Variants in RYR2 observed in about 807,000 individuals in gnomAD.
RYR2 encodes ryanodine receptor 2, also known as cardiac muscle ryanodine receptor-calcium release channel.
In RYR2, 227 loss-of-function variants were observed where a neutral mutation model predicts 601.1. That is an observed-to-expected ratio of 0.38 (90% CI 0.34 to 0.42). The LOEUF (loss-of-function observed/expected upper bound fraction) is 0.42, where lower values mean the gene tolerates loss of function less well. Among genes scored for constraint, RYR2 ranks in the 10% least tolerant of loss-of-function variants. The pLI, the probability that RYR2 is intolerant of heterozygous loss-of-function variation, is 1.00. For synonymous variants in RYR2, 2,223 were observed against 2,175.1 expected, an observed-to-expected ratio of 1.02 and a Z score of -0.61; for missense variants, 4,646 against 6,156.5, an observed-to-expected ratio of 0.75 and a Z score of 8.21.
At chr1:237,609,481 C>T (rs1219781883) in intron 35 of RYR2, among the ~76,000 whole-genome samples, 2 of 151,824 alleles carry the variant, frequency 1.3e-5, no homozygotes, top group East Asian at 1.9e-4. Context: ...GCAATTCTCC[C>T]ACCTCAGCCT....
chr1:237,633,216 A>G (rs1419991131), intron 42 of RYR2, among the ~76,000 whole-genome samples: 2 of 152,244 alleles, frequency 1.3e-5, no homozygotes, highest in African/African-American at 4.8e-5. Flanking sequence ...AGCAAGTATT[A>G]TTATCCATAT....
intron 2 of RYR2, among the ~76,000 whole-genome samples, chr1:237,289,147 T>TA (rs1465736239): frequency 1.3e-5 from 2 of 152,072 alleles, no homozygotes; most frequent in Non-Finnish European, 2.9e-5. Flanking sequence ...GCACTCACAG[T>TA]TTTAGGGGGG....
chr1:237,627,712 T>C (rs1367939583), intron 40 of RYR2, 95 bp from the exon 41 acceptor site: 2 of 1,288,712 alleles, frequency 1.6e-6, no homozygotes, highest in African/African-American at 1.5e-5. Context: ...CAAATAGAAA[T>C]ACCAATTTGG....
intron 5 of RYR2, among the ~76,000 whole-genome samples, chr1:237,368,699 G>T (rs1700394187): frequency 6.6e-6 from 1 of 152,142 alleles, no homozygotes; most frequent in African/African-American, 2.4e-5. Flanking sequence ...GGATTGATTG[G>T]ACTCTTCCCT....
intron 99 of RYR2, among the ~76,000 whole-genome samples, 184 bp downstream of exon 99, chr1:237,806,467 C>G (rs534406675): frequency 1.3e-5 from 2 of 152,110 alleles, no homozygotes; most frequent in Admixed American, 1.3e-4. Context: ...TATACTCAAG[C>G]CTTGGCTTGA....
chr1:237,530,650 C>G, intron 25 of RYR2, 140 bp downstream of exon 25: 1 of 680,308 alleles, frequency 1.5e-6, no homozygotes, highest in Non-Finnish European at 2.6e-6. Flanking sequence ...GTGGCTCACA[C>G]CTTAATCCCA....
At chr1:237,217,078 T>G (rs1683272686) in intron 1 of RYR2, among the ~76,000 whole-genome samples, 1 of 152,176 alleles carries the variant, frequency 6.6e-6, no homozygotes. Flanking sequence ...TTAATTGGGA[T>G]TAGACTATTT....
chr1:237,353,755 T>G (rs1427489172), intron 3 of RYR2, among the ~76,000 whole-genome samples: 1 of 152,176 alleles, frequency 6.6e-6, no homozygotes, highest in East Asian at 1.9e-4. Flanking sequence ...TAATGTAATT[T>G]CCTGCAGATA....
chr1:237,481,031 C>G lies in RYR2; in HGVS notation c.1709-10775C>G, dbSNP rs570942730. Among the ~76,000 whole-genome samples, 36 of 151,218 alleles carry G rather than the reference C, an allele frequency of 2.4e-4. No homozygotes were observed. The South Asian group carries it at 7.5e-3, about 31-fold the overall frequency. Reference sequence around the variant, plus strand: ...ACAAAACCAGCATAAAAATATGAAGCATATGTAATTATGTATTTTGGTAAT... The same window carrying G: ...ACAAAACCAGCATAAAAATATGAAGGATATGTAATTATGTATTTTGGTAAT... On this transcript the variant is annotated intron_variant, in intron 17 of 104. Coordinates refer to ENST00000366574, the MANE Select transcript of RYR2 (RefSeq NM_001035.3).
At chr1:237,476,447 T>C (rs192455054) in intron 17 of RYR2, among the ~76,000 whole-genome samples, 87 of 132,968 alleles carry the variant, frequency 6.5e-4, no homozygotes, top group African/African-American at 2.5e-3. Flanking sequence ...GAGGTGGAGG[T>C]TGCAGTGAGC....
chr1:237,510,186 T>C (rs570464424), intron 23 of RYR2, among the ~76,000 whole-genome samples: 1 of 152,190 alleles, frequency 6.6e-6, no homozygotes, highest in East Asian at 1.9e-4. Flanking sequence ...GTACCTCAGG[T>C]GAGAGGCGAC....
chr1:237,307,767 A>G (rs1043328970), intron 2 of RYR2, among the ~76,000 whole-genome samples: 3 of 152,214 alleles, frequency 2.0e-5, no homozygotes, highest in South Asian at 2.1e-4. Context: ...GACTTTACAT[A>G]TATGTAAGTT....
At chr1:237,063,667 T>C (rs934721929) in intron 1 of RYR2, among the ~76,000 whole-genome samples, 2 of 152,170 alleles carry the variant, frequency 1.3e-5, no homozygotes, top group Non-Finnish European at 2.9e-5. Context: ...TCAGAATTCA[T>C]GTAGATTTAC....
At chr1:237,325,675 C>T (rs1341384167) in intron 2 of RYR2, among the ~76,000 whole-genome samples, 1 of 151,640 alleles carries the variant, frequency 6.6e-6, no homozygotes, top group African/African-American at 2.4e-5. Context: ...GTAACAGGGC[C>T]AGACTCTGTC....
At chr1:237,431,295 T>G (rs1706783713) in intron 12 of RYR2, among the ~76,000 whole-genome samples, 1 of 152,208 alleles carries the variant, frequency 6.6e-6, no homozygotes, top group Non-Finnish European at 1.5e-5. Context: ...TTAAAATGAC[T>G]TCTTCTATTA....
At chr1:237,779,971 A>AAAGT (rs1408548506) in intron 88 of RYR2, among the ~76,000 whole-genome samples, 2 of 152,140 alleles carry the variant, frequency 1.3e-5, no homozygotes, top group Admixed American at 1.3e-4. Flanking sequence ...GGCAATTGTC[A>AAAGT]AAGTTAGTTA....
chr1:237,118,729 G>A (rs567387292), intron 1 of RYR2, among the ~76,000 whole-genome samples: 10 of 152,012 alleles, frequency 6.6e-5, no homozygotes, highest in Non-Finnish European at 1.2e-4. Flanking sequence ...TCAGCCTCCC[G>A]AGTAGCTGGG....
At chr1:237,083,390 CTCAGCACT>C (rs1417625710) in intron 1 of RYR2, among the ~76,000 whole-genome samples, 2 of 152,200 alleles carry the variant, frequency 1.3e-5, no homozygotes, top group African/African-American at 4.8e-5. Flanking sequence ...GTAACCCTCC[CTCAGCACT>C]TCTAGCCTTT....
At position 237,819,250 on chromosome 1, in the gene RYR2, G is replaced by T; in HGVS notation, c.14590+58G>T. On this transcript the variant is annotated intron_variant, in intron 101 of 104. Coordinates refer to ENST00000366574, the MANE Select transcript of RYR2 (RefSeq NM_001035.3). This position sits in a 1 kb window ranked among gnomAD's most constrained non-coding sequence, Gnocchi z 4.0. ...TCTAGAATTTGAGCCACATGTTGCT[G>T]AAGTTAATATTCAAGGTAGGGTAAT... 1 of 1,505,156 alleles carries T rather than the reference G, an allele frequency of 6.6e-7. No homozygotes were observed. The highest frequency in any genetic ancestry group is 1.1e-5 in the South Asian group (1 of 87,606). The allele number at this position is 1,505,156 out of a possible 1,614,324, so 93.2% of individuals were successfully genotyped here.
Sources: gnomAD v4.1 joint callset for allele counts (sites outside exome capture counted in the v4.1 genomes callset) on GRCh38, gnomAD v4.1.1 for gene constraint, Gnocchi (gnomAD v3.1) non-coding constraint, MANE v1.5 for transcripts, NCBI Gene and HGNC (gene_info 2026-07-23, HGNC 2026-07-21) for gene names.